The following ANAPC5 variants were observed in gnomAD, a reference collection of about 807,000 sequenced individuals.
The protein encoded by ANAPC5 is anaphase promoting complex subunit 5, also known as anaphase-promoting complex subunit 5.
Under a neutral mutation model 91.3 loss-of-function variants are expected in ANAPC5, and 60 were observed. The observed-to-expected ratio is 0.66, with a 90% CI of 0.53 to 0.81. ANAPC5 has a LOEUF of 0.81. Among genes scored for constraint, ANAPC5 ranks in the 40% least tolerant of loss-of-function variants. ANAPC5 has a pLI of 0.00. For synonymous variants in ANAPC5, 340 were observed against 364.1 expected (o/e 0.93, Z 0.75); for missense variants, 690 against 931.5 (o/e 0.74, Z 3.37).
rs1903485318 is a variant in ANAPC5, at chr12:121,342,171, A to T, written c.591-102T>A. ...ATTCTTGTATCGAAAGAGTTCAAAAAATTTAACTCTCTCCTCAGAACTAGG... is the reference window on the plus strand; with the variant it reads ...ATTCTTGTATCGAAAGAGTTCAAAATATTTAACTCTCTCCTCAGAACTAGG... On this transcript the variant is annotated intron_variant, in intron 4 of 16. Coordinates refer to ENST00000261819, the MANE Select transcript of ANAPC5 (RefSeq NM_016237.5). The surrounding 1 kb of genome is among the most constrained non-coding windows in gnomAD (Gnocchi z 4.1). 1.2e-6 allele frequency: 1 copy of T among 813,712 alleles called. No homozygotes were observed. Among genetic ancestry groups the T allele is most frequent in the Admixed American group, 2.7e-5 (1 of 36,732 alleles). 50.4% of individuals were successfully genotyped at this position (813,712 alleles called of 1,614,324 possible). A position where few individuals can be genotyped will look rare whatever the true frequency, so the allele number is the denominator to read the frequency against.
At chr12:121,346,480 T>A (rs144599157) in intron 3 of ANAPC5, 1 of 176,768 alleles carries the variant, frequency 5.7e-6, no homozygotes, top group Non-Finnish European at 1.2e-5. Context: ...GGATAGAGCA[T>A]GGGATAAAGC....
intron 15 of ANAPC5, among the ~76,000 whole-genome samples, chr12:121,311,498 TG>T (rs1902165458): frequency 2.0e-5 from 3 of 151,510 alleles, no homozygotes; most frequent in Non-Finnish European, 2.9e-5. Flanking sequence ...CCAAAGCATA[TG>T]AAGCAAAAAC....
rs150238916 is a variant in ANAPC5 at position 121,323,315 on chromosome 12, A to T, written c.1441-2856T>A. ...ATTCATGACTTTTTTATACTCTTAT[A>T]TTGTCGGGATGTTTATCTTTTTTTT... On this transcript the variant is annotated intron_variant, in intron 11 of 16. Coordinates refer to ENST00000261819, the MANE Select transcript of ANAPC5 (RefSeq NM_016237.5). 5.3e-3 allele frequency among the ~76,000 whole-genome samples: 806 copies of T among 151,758 alleles called. 6 individuals are homozygous for T. The highest frequency in any genetic ancestry group is 0.01 in the Admixed American group (157 of 15,220).
intron 15 of ANAPC5, among the ~76,000 whole-genome samples, chr12:121,315,533 A>G (rs548802892): frequency 6.6e-6 from 1 of 152,380 alleles, no homozygotes; most frequent in Admixed American, 6.5e-5. Flanking sequence ...AAAACTTACT[A>G]CAAAGCTATA....
At chr12:121,353,529 C>G (rs1555275733), upstream of ANAPC5, among the ~76,000 whole-genome samples, 1 of 152,094 alleles carries the variant, frequency 6.6e-6, no homozygotes. Context: ...CAAGCTCTAC[C>G]TCCCTGGTTC....
intron 11 of ANAPC5, among the ~76,000 whole-genome samples, chr12:121,326,857 A>T (rs1902838187): frequency 6.6e-6 from 1 of 152,186 alleles, no homozygotes; most frequent in Non-Finnish European, 1.5e-5. Flanking sequence ...TTCCTTAGTT[A>T]CATGAAACTG....
In ANAPC5 at chr12:121,308,566, G is replaced by A; in HGVS notation, c.2182C>T (p.Gln728Ter). 1 of 1,614,132 alleles carries A rather than the reference G, an allele frequency of 6.2e-7. No homozygotes were observed. The change falls in exon 17 of 17, where the codon CAG becomes TAG. Residue 728 changes from glutamine (Q) to a stop codon, truncating the protein, a stop_gained. Coordinates refer to ENST00000261819, the MANE Select transcript of ANAPC5 (RefSeq NM_016237.5). LOFTEE classifies it high-confidence loss of function. ...ARLYHTLGKT[Q>*]ERNRCAMLFR... Reference sequence around the variant, plus strand: ...AGCATCGCACACCGGTTCCTCTCCTGGGTCTTCCCCAGGGTATGGTAGAGT... The same window carrying A: ...AGCATCGCACACCGGTTCCTCTCCTAGGTCTTCCCCAGGGTATGGTAGAGT...
At chr12:121,331,609 G>A (rs540134782) in intron 7 of ANAPC5, 181 bp from the exon 8 acceptor site, 67 of 452,786 alleles carry the variant, frequency 1.5e-4, no homozygotes, top group Non-Finnish European at 2.7e-4. Flanking sequence ...AACACTGACA[G>A]TGGAAATATA....
At chr12:121,339,780 T>C (rs746126628) in intron 5 of ANAPC5, among the ~76,000 whole-genome samples, 3 of 152,112 alleles carry the variant, frequency 2.0e-5, no homozygotes, top group Non-Finnish European at 4.4e-5. Context: ...GTTTGCCTGT[T>C]AATTATGTTA....
chr12:121,348,448 T>A (rs1555274918), intron 1 of ANAPC5, among the ~76,000 whole-genome samples: 1 of 152,200 alleles, frequency 6.6e-6, no homozygotes, highest in Non-Finnish European at 1.5e-5. Context: ...GCAGATCACC[T>A]GAAGCCAGGA....
intron 8 of ANAPC5, 142 bp from the exon 9 acceptor site, chr12:121,330,814 T>C (rs1393480692): frequency 1.6e-6 from 1 of 635,446 alleles, no homozygotes; most frequent in Admixed American, 2.8e-5. Flanking sequence ...ATCAAGAATC[T>C]CAATGAGACC....
In ANAPC5 at chr12:121,330,742, T is replaced by C. The variant is rs782744057; in HGVS notation, c.1033-70A>G. The C allele has an allele frequency of 8.6e-6, 11 of 1,273,282 alleles. No homozygotes were observed. The African/African-American group carries it at 1.3e-4, about 15-fold the overall frequency. 78.9% of individuals were successfully genotyped at this position (1,273,282 alleles called of 1,614,324 possible). ...CTGATGTTCTAGTGAAATATCAATG[T>C]GGTCATAAGAAAGAATTTAAAAGGG... On this transcript the variant is annotated intron_variant, in intron 8 of 16. Coordinates refer to ENST00000261819, the MANE Select transcript of ANAPC5 (RefSeq NM_016237.5).
intron 15 of ANAPC5, among the ~76,000 whole-genome samples, chr12:121,314,584 T>G (rs1485035287): frequency 6.6e-6 from 1 of 151,748 alleles, no homozygotes; most frequent in Non-Finnish European, 1.5e-5. Context: ...GATGAAAGAC[T>G]GAACGCTTTC....
chr12:121,351,578 C>T (rs1469535404), intron 1 of ANAPC5, among the ~76,000 whole-genome samples: 1 of 151,706 alleles, frequency 6.6e-6, no homozygotes, highest in Non-Finnish European at 1.5e-5. Flanking sequence ...CTGCCTCAGC[C>T]TCCCGAGTAG....
rs11614859 is a variant in ANAPC5, at chr12:121,342,808, A to G, written c.591-739T>C. Among the ~76,000 whole-genome samples the G allele has an allele frequency of 0.049, 7,473 of 152,294 alleles. 196 individuals carry two copies. The highest frequency in any genetic ancestry group is 0.082 in the South Asian group (398 of 4,826). On this transcript the variant is annotated intron_variant, in intron 4 of 16. Coordinates refer to ENST00000261819, the MANE Select transcript of ANAPC5 (RefSeq NM_016237.5). The surrounding 1 kb of genome is among the most constrained non-coding windows in gnomAD (Gnocchi z 4.1). ...CGGGAGGTGGAGGTTGCAGCGAGCC[A>G]AGATCACGCCACTGCACTCCAGCCT...
intron 7 of ANAPC5, chr12:121,335,089 C>T (rs1479716727): frequency 3.9e-5 from 6 of 152,540 alleles, no homozygotes; most frequent in Admixed American, 3.9e-4. Context: ...AAAAATGCAT[C>T]ACAATTAACA....
upstream of ANAPC5, among the ~76,000 whole-genome samples, chr12:121,353,657 G>T (rs1303482249): frequency 6.6e-6 from 1 of 151,846 alleles, no homozygotes; most frequent in Non-Finnish European, 1.5e-5. Context: ...AGCCAGGATG[G>T]TCTCAATCTC....
rs968358373 is a variant in ANAPC5, at chr12:121,345,428, A to G, written c.590+411T>C. On this transcript the variant is annotated intron_variant, in intron 4 of 16. Transcript: ENST00000261819. The stretch of plus-strand genomic sequence containing the variant: ...TAGGGGAAAGGACAGAGAAGTCATA[A>G]GACACAATACAGTCCCCAGGACTGA... Among the ~76,000 whole-genome samples, 3 of 152,306 alleles carry G rather than the reference A, an allele frequency of 2.0e-5. No homozygotes were observed. The East Asian group carries it at 5.8e-4, about 29-fold the overall frequency.
rs782517850 is a variant in ANAPC5 at position 121,331,321 on chromosome 12, C to T, written c.1032+26G>A. ...AGGCCAATTCAACCCGTGAACAAAA[C>T]TCCCAAGACCAGAGGATGGCCTCAC... On this transcript the variant is annotated intron_variant, in intron 8 of 16. Coordinates refer to ENST00000261819, the MANE Select transcript of ANAPC5 (RefSeq NM_016237.5). 3 of 1,566,268 alleles carry T rather than the reference C, an allele frequency of 1.9e-6. No homozygotes were observed. The East Asian group carries it at 6.8e-5, about 36-fold the overall frequency.
Sources: gnomAD v4.1 joint callset for allele counts (sites outside exome capture counted in the v4.1 genomes callset) on GRCh38, gnomAD v4.1.1 for gene constraint, Gnocchi (gnomAD v3.1) non-coding constraint, MANE v1.5 for transcripts, NCBI Gene and HGNC (gene_info 2026-07-23, HGNC 2026-07-21) for gene names.